The following RIF1 variants were observed in gnomAD, a reference collection of about 807,000 sequenced individuals.
The protein encoded by RIF1 is replication timing regulatory factor 1.
A neutral mutation model predicts 247.1 loss-of-function variants in RIF1; 45 were observed. The ratio of observed to expected loss-of-function variants is 0.18; its 90% CI spans 0.14 to 0.23. RIF1 has a LOEUF of 0.23. Ranked by LOEUF, RIF1 falls within the 10% of genes least tolerant of loss-of-function variation. The pLI is 1.00. For synonymous variants in RIF1, 1,087 were observed against 978.8 expected (o/e 1.11, Z -2.06); for missense variants, 2,967 against 2,862.5 (o/e 1.04, Z -0.83).
exon 11 of RIF1, chr2:151,499,515 A>G (rs1201185616): frequency 6.1e-5 from 39 of 638,930 alleles, no homozygotes; most frequent in East Asian, 1.8e-4. Flanking sequence ...CAACAAGTCA[A>G]CCTCTCTGTT....
Position 151,409,955 on chromosome 2 carries a change from G to A in RIF1, c.-89G>A, listed in dbSNP as rs1368027071. 1.4e-6 allele frequency: 1 copy of A among 701,786 alleles called. No homozygotes were observed. Among genetic ancestry groups the A allele is most frequent in the Admixed American group, 2.0e-5 (1 of 49,996 alleles). The allele number at this position is 701,786 out of a possible 1,614,324, so 43.5% of individuals were successfully genotyped here. A position where few individuals can be genotyped will look rare whatever the true frequency, so the allele number is the denominator to read the frequency against. On this transcript the variant is annotated 5_prime_UTR_variant, in exon 1 of 36. Coordinates refer to ENST00000444746, the MANE Select transcript of RIF1 (RefSeq NM_018151.5). ...CGCCGCACGCGTGAGTAAACAGCCG[G>A]AGCTGGGAAAGTCGAGCTCTGGCAG...
At position 151,416,304 on chromosome 2, in the gene RIF1, T is replaced by G. The variant is rs145559685; in HGVS notation, c.281-257T>G. Among the ~76,000 whole-genome samples the G allele has an allele frequency of 1.4e-3, 218 of 152,318 alleles. 1 individual carries two copies. Among genetic ancestry groups the G allele is most frequent in the African/African-American group, 5.0e-3 (208 of 41,590 alleles). ...TTGTCTTGTATGTTCAAACCTACAG[T>G]GATATCTAGTTATTTCAGTTGCACA... On this transcript the variant is annotated intron_variant, in intron 4 of 35. Transcript: ENST00000444746.
At chr2:151,519,673 A>G in the RIF1 span, 5 of 1,609,432 alleles carry the variant, frequency 3.1e-6, no homozygotes, top group South Asian at 4.4e-5. Flanking sequence ...TTGCAAGATT[A>G]TTAGCATCTT....
chr2:151,490,865 C>T (rs1454706468), intron 9 of RIF1, among the ~76,000 whole-genome samples: 1 of 152,152 alleles, frequency 6.6e-6, no homozygotes, highest in African/African-American at 2.4e-5. Flanking sequence ...TTAACTTCTC[C>T]AGAAAGTCCT....
intron 7 of RIF1, 88 bp downstream of exon 7, chr2:151,420,467 G>A (rs1687967526): frequency 7.7e-6 from 10 of 1,294,580 alleles, no homozygotes; most frequent in Non-Finnish European, 1.1e-5. Flanking sequence ...GGCCAGGTAC[G>A]GTGGCTCTCA....
chr2:151,427,631 C>T (rs927731845), intron 8 of RIF1, among the ~76,000 whole-genome samples: 16 of 151,286 alleles, frequency 1.1e-4, no homozygotes, highest in Admixed American at 2.0e-4. Context: ...AGAAGTTATC[C>T]GGTTTTCTAC....
rs572076781 is a variant in RIF1 at position 151,468,057 on chromosome 2, G to A, written c.6658G>A (p.Asp2220Asn). 9.9e-6 allele frequency: 16 copies of A among 1,613,572 alleles called. No individual in the cohort carries two copies. The highest frequency in any genetic ancestry group is 1.4e-5 in the Non-Finnish European group (16 of 1,179,790). Residue 2220 changes from aspartate (D) to asparagine (N), a missense_variant, in exon 31 of 36, where the codon GAT becomes AAT. Asp to Asn is a conservative substitution (Grantham distance 23). Transcript: ENST00000444746. ...CCAAGCAGGATTGGCAGATGACATTGATAGACGGTGCTCTATTGTTAGGTC... is the reference window on the plus strand; with the variant it reads ...CCAAGCAGGATTGGCAGATGACATTAATAGACGGTGCTCTATTGTTAGGTC... Reference protein sequence around the residue: ...IYQAGLADDIDRRCSIVRSHS... With the variant: ...IYQAGLADDINRRCSIVRSHS...
rs760002980 is a variant in RIF1, at chr2:151,411,361, G to GTTTTTCACTTTTGGTAGTTTGGTT, written c.183+29_183+52dup. On this transcript the variant is annotated intron_variant, in intron 3 of 35. Coordinates refer to ENST00000444746, the MANE Select transcript of RIF1 (RefSeq NM_018151.5). ...AAGGTATGTATCTGTTTGTTAAACA[G>GTTTTTCACTTTTGGTAGTTTGGTT]TTTTTCACTTTTGGTAGTTTGGTTT... 1.9e-5 allele frequency: 26 copies of GTTTTTCACTTTTGGTAGTTTGGTT among 1,385,936 alleles called. No individual in the cohort carries two copies. The African/African-American group carries it at 2.3e-4, about 13-fold the overall frequency. 85.9% of individuals were successfully genotyped at this position (1,385,936 alleles called of 1,614,324 possible).
intron 14 of RIF1, 47 bp downstream of exon 14, chr2:151,438,793 T>G (rs769463627): frequency 8.7e-7 from 1 of 1,153,462 alleles, no homozygotes; most frequent in Non-Finnish European, 1.3e-6. Context: ...AAACAGGTGG[T>G]GATCAGATGA....
At chr2:151,432,969 A>T (rs1047819826) in intron 9 of RIF1, 108 bp from the exon 10 acceptor site, 429 of 859,486 alleles carry the variant, frequency 5.0e-4, no homozygotes, top group Middle Eastern at 7.4e-4. Flanking sequence ...TTTTAAAAAA[A>T]TTTTAAAATA....
intron 20 of RIF1, among the ~76,000 whole-genome samples, chr2:151,451,193 G>A (rs562388699): frequency 1.3e-5 from 2 of 152,288 alleles, no homozygotes; most frequent in African/African-American, 2.4e-5. Flanking sequence ...TAAGCAGAAC[G>A]TTATAATACG....
At chr2:151,493,073 C>T in intron 9 of RIF1, 1 of 338,536 alleles carries the variant, frequency 3.0e-6, no homozygotes, top group Non-Finnish European at 5.4e-6. Context: ...CGTAGAACTA[C>T]CTCAAAGTAT....
intron 18 of RIF1, 106 bp downstream of exon 18, chr2:151,443,815 A>C (rs1171380413): frequency 2.7e-5 from 18 of 654,662 alleles, no homozygotes; most frequent in Non-Finnish European, 3.8e-5. Context: ...GATGGTAAAT[A>C]TTTTTTCTGG....
chr2:151,451,675 T>C lies in RIF1; in HGVS notation c.2314T>C (p.Tyr772His). Residue 772 changes from tyrosine (Y) to histidine (H), a missense_variant, in exon 21 of 36, where the codon TAT (tyrosine) becomes CAT (histidine). Physicochemically the swap from Tyr to His is moderately conservative, Grantham distance 83 (BLOSUM62 2). This residue lies in a region of RIF1 where 2,028 missense variants were observed against 1,825.6 expected (regional missense o/e 1.11). Transcript: ENST00000444746. Reference protein sequence around the residue: ...VMVDCIDFSPYNIKYQPKVKS... With the variant: ...VMVDCIDFSPHNIKYQPKVKS... Reference sequence around the variant, plus strand: ...GGTTGATTGCATTGACTTCTCACCATATAATATTAAATATCAGCCCAAAGT... The same window carrying C: ...GGTTGATTGCATTGACTTCTCACCACATAATATTAAATATCAGCCCAAAGT... The C allele has an allele frequency of 6.9e-7, 1 of 1,457,802 alleles. No homozygotes were observed. 90.3% of individuals were successfully genotyped at this position (1,457,802 alleles called of 1,614,324 possible).
chr2:151,520,234 A>AG, the RIF1 span, among the ~76,000 whole-genome samples: 1 of 152,198 alleles, frequency 6.6e-6, no homozygotes, highest in South Asian at 2.1e-4. Context: ...ATTTATTGTT[A>AG]TTTTAAAATA....
At chr2:151,514,201 A>G in the RIF1 span, 7 of 710,118 alleles carry the variant, frequency 9.9e-6, no homozygotes, top group African/African-American at 1.1e-4. Context: ...GAATCTGAAA[A>G]TGAAAAGCTC....
At chr2:151,436,175 G>A (rs533491942) in intron 11 of RIF1, among the ~76,000 whole-genome samples, 8 of 152,028 alleles carry the variant, frequency 5.3e-5, no homozygotes, top group East Asian at 1.9e-4. Flanking sequence ...GCAGTGAGCC[G>A]AGATCTCGCC....
At chr2:151,497,126 C>G in intron 10 of RIF1, 1 of 1,428,926 alleles carries the variant, frequency 7.0e-7, no homozygotes, top group East Asian at 2.5e-5. Flanking sequence ...CTTGTTAAGA[C>G]AAAACACAGT....
chr2:151,488,980 T>A (rs1373164221), intron 9 of RIF1, among the ~76,000 whole-genome samples: 2 of 152,210 alleles, frequency 1.3e-5, no homozygotes, highest in Non-Finnish European at 2.9e-5. Flanking sequence ...AGTTGAGTCC[T>A]TAAGTATTAT....
Sources: gnomAD v4.1 joint callset for allele counts (sites outside exome capture counted in the v4.1 genomes callset) on GRCh38, gnomAD v4.1.1 for gene constraint, gnomAD v4.1.1 regional missense constraint, MANE v1.5 for transcripts, NCBI Gene and HGNC (gene_info 2026-07-23, HGNC 2026-07-21) for gene names.